The following ATP2B4 variants were observed in gnomAD, a reference collection of about 807,000 sequenced individuals.
ATP2B4 encodes the protein ATPase plasma membrane Ca2+ transporting 4, also known as plasma membrane calcium-transporting ATPase 4.
Under a neutral mutation model 110.3 loss-of-function variants are expected in ATP2B4, and 39 were observed. That is an observed-to-expected ratio of 0.35 (90% CI 0.27 to 0.46). The LOEUF is 0.46. Ranked by LOEUF, ATP2B4 falls within the 20% of genes least tolerant of loss-of-function variation. ATP2B4 has a pLI of 1.00. For missense variants in ATP2B4, 1,135 were observed against 1,530.9 expected, an observed-to-expected ratio of 0.74 and a Z score of 4.32; for synonymous variants, 538 against 571.7, an observed-to-expected ratio of 0.94 and a Z score of 0.84.
intron 2 of ATP2B4, among the ~76,000 whole-genome samples, chr1:203,693,033 TC>T (rs1665431106): frequency 6.6e-6 from 1 of 152,304 alleles, no homozygotes; most frequent in Non-Finnish European, 1.5e-5. Context: ...CCCCTCAGTT[TC>T]CTGAGGAATT....
intron 15 of ATP2B4, among the ~76,000 whole-genome samples, chr1:203,718,099 T>G (rs1666211899): frequency 6.6e-6 from 1 of 152,174 alleles, no homozygotes; most frequent in African/African-American, 2.4e-5. Context: ...TCTCACTTGC[T>G]TTTGTGTTTG....
At chr1:203,648,772 G>A (rs1250872480) in intron 1 of ATP2B4, among the ~76,000 whole-genome samples, 1 of 152,118 alleles carries the variant, frequency 6.6e-6, no homozygotes, top group Admixed American at 6.5e-5. Flanking sequence ...TCCTTTCTGG[G>A]CATCTTGAGG....
intron 20 of ATP2B4, among the ~76,000 whole-genome samples, chr1:203,735,234 G>C (rs1473501908): frequency 6.6e-6 from 1 of 152,114 alleles, no homozygotes; most frequent in Non-Finnish European, 1.5e-5. Flanking sequence ...TTCTCAGCCG[G>C]ACTTGCAATT....
rs57144862 is a variant in ATP2B4, at chr1:203,672,324, CTTTTTTTTTTTT to C, written c.-464-10397_-464-10386del. ...TGTTCCTGAGTAAGTTGCGGTGGCT[CTTTTTTTTTTTT>C]TTTTTTTTTTTTTTTTTTTTAAAGC... On this transcript the variant is annotated intron_variant, in intron 1 of 20. Transcript: ENST00000357681. Among the ~76,000 whole-genome samples, 281 of 79,604 alleles carry C rather than the reference CTTTTTTTTTTTT, an allele frequency of 3.5e-3. 2 individuals carry two copies. The highest frequency in any genetic ancestry group is 3.9e-3 in the Admixed American group (24 of 6,206). The allele number at this position is 79,604 out of a possible 152,430, so 52.2% of individuals were successfully genotyped here. A position where few individuals can be genotyped will look rare whatever the true frequency, so the allele number is the denominator to read the frequency against.
At chr1:203,703,851 T>G (rs971109309) in intron 8 of ATP2B4, 38 bp downstream of exon 8, 3 of 1,601,978 alleles carry the variant, frequency 1.9e-6, no homozygotes, top group Middle Eastern at 1.7e-4. Context: ...TTATCAATGT[T>G]GTCTTGGATC....
chr1:203,680,849 G>A (rs1664992549), intron 1 of ATP2B4, among the ~76,000 whole-genome samples: 1 of 152,180 alleles, frequency 6.6e-6, no homozygotes, highest in African/African-American at 2.4e-5. Flanking sequence ...AAACATTGTA[G>A]TGGGTGAAGA....
intron 1 of ATP2B4, among the ~76,000 whole-genome samples, chr1:203,673,028 T>C (rs1252678117): frequency 3.3e-5 from 5 of 152,170 alleles, no homozygotes; most frequent in African/African-American, 1.2e-4. Context: ...CTGGAAGGAC[T>C]AGCAGAGGGA....
intron 1 of ATP2B4, among the ~76,000 whole-genome samples, chr1:203,679,113 C>T (rs763231978): frequency 5.3e-5 from 8 of 151,952 alleles, no homozygotes; most frequent in Non-Finnish European, 7.4e-5. Context: ...CATACCTTAC[C>T]GAGAATGCCC....
intron 14 of ATP2B4, 61 bp from the exon 15 acceptor site, chr1:203,714,110 G>T (rs1255546246): frequency 6.9e-7 from 1 of 1,447,876 alleles, no homozygotes; most frequent in Non-Finnish European, 9.6e-7. Flanking sequence ...GTGGCGGGTG[G>T]TAGGAACTGA....
intron 8 of ATP2B4, among the ~76,000 whole-genome samples, chr1:203,706,262 T>C (rs117518316): frequency 6.6e-6 from 1 of 152,258 alleles, no homozygotes; most frequent in East Asian, 1.9e-4. Context: ...CTGGAAACTG[T>C]TCAGTAGTCT....
intron 2 of ATP2B4, among the ~76,000 whole-genome samples, chr1:203,695,110 C>G (rs1665494275): frequency 6.6e-6 from 1 of 152,102 alleles, no homozygotes; most frequent in Non-Finnish European, 1.5e-5. Context: ...GGTTTGCCCT[C>G]ATAATCATCT....
chr1:203,701,458 G>A (rs1163895690), intron 6 of ATP2B4, among the ~76,000 whole-genome samples: 1 of 152,094 alleles, frequency 6.6e-6, no homozygotes, highest in African/African-American at 2.4e-5. Flanking sequence ...GAGGGAGAAA[G>A]AGGAGAAGAT....
rs1042053790 is a variant in ATP2B4, at chr1:203,683,037, C to T, written c.-169C>T. 9.4e-6 allele frequency: 6 copies of T among 641,496 alleles called. No homozygotes were observed. Among genetic ancestry groups the T allele is most frequent in the Admixed American group, 3.1e-5 (1 of 32,710 alleles). The allele number at this position is 641,496 out of a possible 1,614,324, so 39.7% of individuals were successfully genotyped here. ...CGGAAGAAAGGATCTAGACTTCGGA[C>T]GGCTACTCGGGAGCTTATTGCACAA... On this transcript the variant is annotated 5_prime_UTR_variant, in exon 2 of 21. In the 5' UTR this introduces an upstream ATG that the reference lacks. Coordinates refer to ENST00000357681, the MANE Select transcript of ATP2B4 (RefSeq NM_001684.5).
At chr1:203,639,609 A>C (rs1347753138) in intron 1 of ATP2B4, among the ~76,000 whole-genome samples, 1 of 152,200 alleles carries the variant, frequency 6.6e-6, no homozygotes, top group Non-Finnish European at 1.5e-5. Flanking sequence ...TGGTGTTAGC[A>C]GTGAGACCAT....
At chr1:203,644,766 C>T (rs1259686484) in intron 1 of ATP2B4, among the ~76,000 whole-genome samples, 1 of 152,116 alleles carries the variant, frequency 6.6e-6, no homozygotes, top group Non-Finnish European at 1.5e-5. Flanking sequence ...GAAACAATGG[C>T]CAGTTCCCCA....
Position 203,629,466 on chromosome 1 carries a change from C to T in ATP2B4, c.-465+2247C>T. On this transcript the variant is annotated intron_variant, in intron 1 of 20. Transcript: ENST00000357681. The surrounding 1 kb of genome is among the most constrained non-coding windows in gnomAD (Gnocchi z 4.6). ...GGGTCGATGTTGGTGGGCTCGGGGACGGCTTCTCCGTGAGGTCGTTATTTA... is the reference window on the plus strand; with the variant it reads ...GGGTCGATGTTGGTGGGCTCGGGGATGGCTTCTCCGTGAGGTCGTTATTTA... Among the ~76,000 whole-genome samples, 1 of 152,146 alleles carries T rather than the reference C, an allele frequency of 6.6e-6. No individual in the cohort carries two copies. The highest frequency in any genetic ancestry group is 1.9e-4 in the East Asian group (1 of 5,180).
At chr1:203,678,168 CA>C (rs1474992857) in intron 1 of ATP2B4, among the ~76,000 whole-genome samples, 1 of 152,190 alleles carries the variant, frequency 6.6e-6, no homozygotes, top group Non-Finnish European at 1.5e-5. Context: ...CGGGGAGACT[CA>C]GGGGGTGAGT....
At chr1:203,650,029 A>G (rs1264312629) in intron 1 of ATP2B4, among the ~76,000 whole-genome samples, 3 of 152,156 alleles carry the variant, frequency 2.0e-5, no homozygotes, top group African/African-American at 4.8e-5. Context: ...AGCATCTCAG[A>G]TTTACCCCAG....
intron 2 of ATP2B4, among the ~76,000 whole-genome samples, chr1:203,685,861 C>G (rs1170186588): frequency 6.6e-6 from 1 of 152,182 alleles, no homozygotes; most frequent in African/African-American, 2.4e-5. Context: ...GATTAGTTTT[C>G]TCAGATTAAA....
Sources: gnomAD v4.1 joint callset for allele counts (sites outside exome capture counted in the v4.1 genomes callset) on GRCh38, gnomAD v4.1.1 for gene constraint, Gnocchi (gnomAD v3.1) non-coding constraint, MANE v1.5 for transcripts, NCBI Gene and HGNC (gene_info 2026-07-23, HGNC 2026-07-21) for gene names.